Variants in PRR16 observed in about 807,000 individuals in gnomAD.
PRR16 encodes the protein proline rich 16.
A neutral mutation model predicts 18.2 loss-of-function variants in PRR16; 6 were observed. The ratio of observed to expected loss-of-function variants is 0.33; its 90% CI spans 0.18 to 0.65. PRR16 has a LOEUF of 0.65. Ranked by LOEUF, PRR16 falls within the 30% of genes least tolerant of loss-of-function variation. The pLI is 0.74. For missense variants in PRR16, 412 were observed against 376.6 expected (o/e 1.09, Z -0.78); for synonymous variants, 151 against 147.8 (o/e 1.02, Z -0.16).
chr5:120,528,277 C>T (rs1751433655), intron 1 of PRR16, among the ~76,000 whole-genome samples: 1 of 152,072 alleles, frequency 6.6e-6, no homozygotes, highest in African/African-American at 2.4e-5. Context: ...CATGGAGAGT[C>T]AGAGAGAGGA....
At chr5:120,580,516 G>A (rs1456929077) in intron 1 of PRR16, among the ~76,000 whole-genome samples, 2 of 147,736 alleles carry the variant, frequency 1.4e-5, no homozygotes, top group South Asian at 2.1e-4. Context: ...GTGCAGTGGT[G>A]CGATCTCGGC....
the PRR16 span, among the ~76,000 whole-genome samples, chr5:120,701,156 A>G: frequency 6.6e-6 from 1 of 152,166 alleles, no homozygotes; most frequent in Non-Finnish European, 1.5e-5. Flanking sequence ...TTTGTCTCAC[A>G]GTGGAGGCAA....
intron 1 of PRR16, among the ~76,000 whole-genome samples, chr5:120,511,279 T>C (rs1368072302): frequency 6.6e-6 from 1 of 152,164 alleles, no homozygotes; most frequent in Non-Finnish European, 1.5e-5. Flanking sequence ...AAGTTTTGTC[T>C]GTCACTGGGA....
chr5:120,784,103 ATTGG>A, the PRR16 span, among the ~76,000 whole-genome samples: 2 of 152,058 alleles, frequency 1.3e-5, no homozygotes, highest in African/African-American at 2.4e-5. Context: ...TTATCCATTC[ATTGG>A]TTGATGGACA....
At chr5:120,777,381 T>C in the PRR16 span, among the ~76,000 whole-genome samples, 1 of 152,130 alleles carries the variant, frequency 6.6e-6, no homozygotes, top group Non-Finnish European at 1.5e-5. Flanking sequence ...TGTTTTATTT[T>C]GTATATTTTA....
chr5:120,531,108 C>G (rs997567370), intron 1 of PRR16, among the ~76,000 whole-genome samples: 3 of 152,176 alleles, frequency 2.0e-5, no homozygotes, highest in African/African-American at 7.2e-5. Context: ...ATTATACTAG[C>G]TCAGAAAATT....
chr5:120,511,027 T>A (rs1750809434), intron 1 of PRR16, among the ~76,000 whole-genome samples: 1 of 152,164 alleles, frequency 6.6e-6, no homozygotes, highest in South Asian at 2.1e-4. Context: ...GCATACTGAA[T>A]GTGGATCTGT....
intron 1 of PRR16, among the ~76,000 whole-genome samples, chr5:120,647,059 A>G (rs943444117): frequency 1.3e-5 from 2 of 152,032 alleles, no homozygotes; most frequent in African/African-American, 2.4e-5. Context: ...TAAGAATGAC[A>G]CAATCGTAAA....
the PRR16 span, among the ~76,000 whole-genome samples, chr5:120,705,164 G>A: frequency 1.3e-5 from 2 of 151,986 alleles, no homozygotes; most frequent in African/African-American, 4.8e-5. Context: ...TATTGCTTAG[G>A]TATCAGTAAT....
chr5:120,704,104 TAAGAG>T, the PRR16 span, among the ~76,000 whole-genome samples: 1 of 152,192 alleles, frequency 6.6e-6, no homozygotes, highest in Non-Finnish European at 1.5e-5. Context: ...AGCTTTCTCT[TAAGAG>T]AACACAGGCT....
intron 1 of PRR16, among the ~76,000 whole-genome samples, chr5:120,627,293 A>C (rs542045924): frequency 6.6e-6 from 1 of 152,144 alleles, no homozygotes; most frequent in African/African-American, 2.4e-5. Flanking sequence ...TGATCCTGCT[A>C]TGCTGCACTC....
Position 120,646,046 on chromosome 5 carries a change from TTTTATA to T in PRR16, c.160-39906_160-39901del, listed in dbSNP as rs1383076455. Among the ~76,000 whole-genome samples, 69 of 9,006 alleles carry T rather than the reference TTTTATA, an allele frequency of 7.7e-3. 1 individual carries two copies. Among genetic ancestry groups the T allele is most frequent in the African/African-American group, 0.012 (66 of 5,492 alleles). The allele number at this position is 9,006 out of a possible 152,430, so 5.9% of individuals were successfully genotyped here. Reference sequence around the variant, plus strand: ...CTCAAATTACAAAAAAAAATACATATTTTATATATATATATATATATATATATATCA... The same window carrying T: ...CTCAAATTACAAAAAAAAATACATATTATATATATATATATATATATATCA... On this transcript the variant is annotated intron_variant, in intron 1 of 1. Transcript: ENST00000407149.
At chr5:120,601,945 C>T in intron 1 of PRR16, among the ~76,000 whole-genome samples, 1 of 151,976 alleles carries the variant, frequency 6.6e-6, no homozygotes, top group East Asian at 1.9e-4. Flanking sequence ...GCACCTGTAC[C>T]ATGCTGTTTT....
chr5:120,685,828 A>G lies in PRR16; in HGVS notation c.160-126A>G, dbSNP rs891347360. 7 of 922,228 alleles carry G rather than the reference A, an allele frequency of 7.6e-6. No individual in the cohort carries two copies. In the African/African-American group the frequency reaches 1.2e-4, roughly 15 times the overall value. 57.1% of individuals were successfully genotyped at this position (922,228 alleles called of 1,614,324 possible). On this transcript the variant is annotated intron_variant, in intron 1 of 1. Coordinates refer to ENST00000407149, the MANE Select transcript of PRR16 (RefSeq NM_001300783.2). ...TATTGACTGAAAACATCAAGCAGCA[A>G]TGGAATGTTCAGTTCAATATCAGTT... is the stretch of plus-strand genomic sequence containing the variant.
chr5:120,764,989 T>TGAA, the PRR16 span, among the ~76,000 whole-genome samples: 1 of 146,554 alleles, frequency 6.8e-6, no homozygotes, highest in African/African-American at 2.7e-5. Flanking sequence ...TGCAAAAGAC[T>TGAA]GAAGAGCCTA....
At chr5:120,488,776 G>T (rs1205769352) in intron 1 of PRR16, among the ~76,000 whole-genome samples, 1 of 151,934 alleles carries the variant, frequency 6.6e-6, no homozygotes, top group Non-Finnish European at 1.5e-5. Context: ...GCTTTCTCTT[G>T]TGTGCATTTA....
At chr5:120,536,284 T>C (rs1042575136) in intron 1 of PRR16, among the ~76,000 whole-genome samples, 9 of 152,202 alleles carry the variant, frequency 5.9e-5, no homozygotes, top group Non-Finnish European at 7.3e-5. Flanking sequence ...GCTGGGACTC[T>C]AGCAATAGAA....
the PRR16 span, among the ~76,000 whole-genome samples, chr5:120,733,470 T>C: frequency 6.6e-6 from 1 of 152,162 alleles, no homozygotes; most frequent in Non-Finnish European, 1.5e-5. Flanking sequence ...GACTGTAATA[T>C]TATAAAATAT....
chr5:120,754,754 G>A, the PRR16 span, among the ~76,000 whole-genome samples: 15,059 of 147,924 alleles, frequency 0.1, 979 homozygotes, highest in African/African-American at 0.18. Context: ...AGATGAATAT[G>A]ATATTGATAA....
Sources: gnomAD v4.1 joint callset for allele counts (sites outside exome capture counted in the v4.1 genomes callset) on GRCh38, gnomAD v4.1.1 for gene constraint, MANE v1.5 for transcripts, NCBI Gene and HGNC (gene_info 2026-07-23, HGNC 2026-07-21) for gene names.